The following MYH15 variants were observed in gnomAD, a reference collection of about 807,000 sequenced individuals.
MYH15 encodes the protein myosin heavy chain 15.
MYH15 carries 227 observed loss-of-function variants against 240.5 expected under a neutral mutation model. The observed-to-expected ratio is 0.94, with a 90% CI of 0.85 to 1.05. MYH15 has a LOEUF of 1.05. Among genes scored for constraint, MYH15 ranks in the 50% least tolerant of loss-of-function variants. MYH15 has a pLI of 0.00. For missense variants in MYH15, 2,217 were observed against 2,247.5 expected, an observed-to-expected ratio of 0.99 and a Z score of 0.27; for synonymous variants, 785 against 796.7, an observed-to-expected ratio of 0.99 and a Z score of 0.25.
At chr3:108,525,325 T>G (rs879350032) in intron 1 of MYH15, among the ~76,000 whole-genome samples, 14 of 152,078 alleles carry the variant, frequency 9.2e-5, no homozygotes, top group Non-Finnish European at 1.6e-4. Context: ...TTTCTAGAGC[T>G]CCTTTATTTA....
Position 108,411,003 on chromosome 3 carries a change from A to G in MYH15, c.4146-71T>C, listed in dbSNP as rs1057180670. ...AGAGAGCTCATCAAGTCTGCCCTGG[A>G]TTAAAGATAGAGCTTGGGTGCAAAG... On this transcript the variant is annotated intron_variant, in intron 30 of 40. Coordinates refer to ENST00000693548, the MANE Select transcript of MYH15 (RefSeq NM_014981.3). The G allele has an allele frequency of 1.1e-5, 14 of 1,322,828 alleles. No homozygotes were observed. In the African/African-American group the frequency reaches 1.8e-4, roughly 17 times the overall value. 81.9% of individuals were successfully genotyped at this position (1,322,828 alleles called of 1,614,324 possible).
chr3:108,435,238 T>C (rs2082821114), intron 25 of MYH15, among the ~76,000 whole-genome samples: 1 of 152,222 alleles, frequency 6.6e-6, no homozygotes, highest in African/African-American at 2.4e-5. Flanking sequence ...TTTTGTGACT[T>C]GTTCAAGAAG....
chr3:108,489,929 CA>C (rs2083334208), intron 9 of MYH15, among the ~76,000 whole-genome samples: 2 of 152,160 alleles, frequency 1.3e-5, no homozygotes. Flanking sequence ...CAGCAACCCC[CA>C]AAGACCGAAG....
At chr3:108,386,567 T>A (rs2082385605) in intron 38 of MYH15, among the ~76,000 whole-genome samples, 1 of 151,810 alleles carries the variant, frequency 6.6e-6, no homozygotes, top group Admixed American at 6.6e-5. Flanking sequence ...CTGGGCAATC[T>A]TTGTGCTGGA....
intron 22 of MYH15, among the ~76,000 whole-genome samples, chr3:108,443,154 T>C (rs1379585170): frequency 6.6e-6 from 1 of 152,200 alleles, no homozygotes; most frequent in Non-Finnish European, 1.5e-5. Context: ...TTGTGATTCT[T>C]ACAGTTTCTT....
chr3:108,400,767 CCA>C (rs1332680810), intron 33 of MYH15, among the ~76,000 whole-genome samples: 2 of 152,092 alleles, frequency 1.3e-5, no homozygotes, highest in Non-Finnish European at 2.9e-5. Context: ...CAAGTTTGCA[CCA>C]CTGCACTCCA....
chr3:108,447,011 A>C (rs2082933979), intron 21 of MYH15, among the ~76,000 whole-genome samples: 1 of 152,200 alleles, frequency 6.6e-6, no homozygotes, highest in African/African-American at 2.4e-5. Context: ...CAAAAGGGGA[A>C]GTTCAACAAG....
At chr3:108,508,524 T>C (rs1000571832) in intron 1 of MYH15, among the ~76,000 whole-genome samples, 16 of 152,238 alleles carry the variant, frequency 1.1e-4, no homozygotes, top group Non-Finnish European at 1.9e-4. Flanking sequence ...CCTTTTTCTA[T>C]ATGATTCCAT....
chr3:108,448,368 C>A (rs1184253821), intron 21 of MYH15, among the ~76,000 whole-genome samples: 1 of 151,960 alleles, frequency 6.6e-6, no homozygotes, highest in Non-Finnish European at 1.5e-5. Flanking sequence ...CATACTTTAG[C>A]TTTGAGAACA....
Position 108,444,625 on chromosome 3 carries a change from G to A in MYH15, c.2655+15C>T. 5 of 1,612,100 alleles carry A rather than the reference G, an allele frequency of 3.1e-6. No homozygotes were observed. The highest frequency in any genetic ancestry group is 3.4e-6 in the Non-Finnish European group (4 of 1,179,160). ...TAAAAACTTGATTTAAAGAACAAAT[G>A]GTGGGGCTACTCACAGCCTGAAGCT... On this transcript the variant is annotated intron_variant, in intron 22 of 40. Transcript: ENST00000693548.
chr3:108,523,855 C>G (rs1260669626), intron 1 of MYH15, among the ~76,000 whole-genome samples: 2 of 151,834 alleles, frequency 1.3e-5, no homozygotes, highest in African/African-American at 4.8e-5. Context: ...TCAATAATAC[C>G]TCATTGAAAA....
chr3:108,437,607 T>C lies in MYH15; in HGVS notation c.3168A>G (p.Glu1056=), dbSNP rs1208015036. The C allele has an allele frequency of 6.2e-7, 1 of 1,614,098 alleles. No individual in the cohort carries two copies. Among genetic ancestry groups the C allele is most frequent in the African/African-American group, 1.3e-5 (1 of 75,046 alleles). The change falls in exon 25 of 41, where the codon GAA becomes GAG. Residue 1056 remains glutamate (E), a synonymous_variant. Coordinates refer to ENST00000693548, the MANE Select transcript of MYH15 (RefSeq NM_014981.3). ...KLEGNLKLNR[E]SMENLESSQR... ...GGCTGCTTTCCAGGTTCTCCATACT[T>C]TCCCGATTCAGCTTTAAATTGCCCT... is the stretch of plus-strand genomic sequence containing the variant.
At chr3:108,434,863 G>C (rs1389252671) in intron 25 of MYH15, among the ~76,000 whole-genome samples, 1 of 152,148 alleles carries the variant, frequency 6.6e-6, no homozygotes, top group Non-Finnish European at 1.5e-5. Flanking sequence ...TGAGATCATT[G>C]CTTCTCTACA....
At chr3:108,519,984 T>C (rs2083605156) in intron 1 of MYH15, among the ~76,000 whole-genome samples, 1 of 152,222 alleles carries the variant, frequency 6.6e-6, no homozygotes. Flanking sequence ...GATACACTTA[T>C]CTAAAATAAA....
Position 108,444,677 on chromosome 3 carries a change from G to A in MYH15, c.2618C>T (p.Thr873Ile), listed in dbSNP as rs952191001. The A allele has an allele frequency of 1.9e-6, 3 of 1,613,770 alleles. No homozygotes were observed. The Admixed American group carries it at 5.0e-5, about 27-fold the overall frequency. Residue 873 changes from threonine (T) to isoleucine (I), a missense_variant, in exon 22 of 41, where the codon ACT becomes ATT. Thr to Ile is a moderately conservative substitution (Grantham distance 89). Coordinates refer to ENST00000693548, the MANE Select transcript of MYH15 (RefSeq NM_014981.3). ...AAGAATCAGGTCATTTTTTTCCTGA[G>A]TGAGGGATACTTGCTTTGCTTTCAG... The part of the protein sequence containing the change: ...EELKAKQVSL[T>I]QEKNDLILQL...
Position 108,499,461 on chromosome 3 carries a change from A to T in MYH15, c.518T>A (p.Leu173His), listed in dbSNP as rs781496642. Residue 173 changes from leucine (L) to histidine (H), a missense_variant, in exon 5 of 41, where the codon CTC becomes CAC. Coordinates refer to ENST00000693548, the MANE Select transcript of MYH15 (RefSeq NM_014981.3). ...AAACAAGGCAAACACTTACGTGAAG[A>T]GTATAGACTGATTTTCTCGATCTAC... ...MLHNRENQSI[L>H]FTGESGAGKT... The T allele has an allele frequency of 6.2e-7, 1 of 1,613,268 alleles. No individual in the cohort carries two copies. The highest frequency in any genetic ancestry group is 1.1e-5 in the South Asian group (1 of 90,718).
intron 38 of MYH15, among the ~76,000 whole-genome samples, chr3:108,388,002 T>C (rs2082396627): frequency 2.6e-5 from 4 of 152,196 alleles, no homozygotes; most frequent in Admixed American, 2.6e-4. Flanking sequence ...ATTGGCATTG[T>C]CAAAGAAGCT....
At chr3:108,499,632 A>C in intron 4 of MYH15, 150 bp from the exon 5 acceptor site, 1 of 753,952 alleles carries the variant, frequency 1.3e-6, no homozygotes, top group Non-Finnish European at 2.2e-6. Context: ...ATACCCCTCA[A>C]ATGGTACAGG....
intron 21 of MYH15, 43 bp from the exon 22 acceptor site, chr3:108,444,938 A>G: frequency 1.3e-6 from 2 of 1,546,584 alleles, no homozygotes; most frequent in Non-Finnish European, 8.7e-7. Context: ...AGCCCTGACT[A>G]TAGGAGAATT....
Sources: allele counts gnomAD v4.1 joint callset (sites outside exome capture counted in the v4.1 genomes callset), GRCh38; gene constraint gnomAD v4.1.1; transcripts MANE v1.5; gene names NCBI Gene and HGNC (gene_info 2026-07-23, HGNC 2026-07-21).